UIMC1: variants seen among roughly 807,000 people sequenced by gnomAD.
The protein encoded by UIMC1 is ubiquitin interaction motif containing 1.
A neutral mutation model predicts 84.9 loss-of-function variants in UIMC1; 42 were observed. That is an observed-to-expected ratio of 0.49 (90% confidence interval 0.39 to 0.64). The LOEUF is 0.64. UIMC1 is among the 30% of genes least tolerant of loss of function. The probability of loss-of-function intolerance (pLI) is 0.00; values close to 1 mark genes in which losing one functional copy is unlikely to be tolerated. For synonymous variants in UIMC1, 281 were observed against 293.0 expected (o/e 0.96, Z 0.42); for missense variants, 825 against 847.6 (o/e 0.97, Z 0.33).
chr5:176,979,949 A>C (rs1190636329), intron 2 of UIMC1, among the ~76,000 whole-genome samples: 1 of 152,126 alleles, frequency 6.6e-6, no homozygotes, highest in Non-Finnish European at 1.5e-5. Context: ...TTTGCACTCA[A>C]TGTGGGTGAA....
At chr5:176,923,514 C>T (rs1403385086) in intron 10 of UIMC1, among the ~76,000 whole-genome samples, 1 of 151,146 alleles carries the variant, frequency 6.6e-6, no homozygotes, top group Non-Finnish European at 1.5e-5. Context: ...AGTGCCACTG[C>T]ACTCCAGCCT....
intron 1 of UIMC1, among the ~76,000 whole-genome samples, chr5:177,014,140 C>T (rs1175848571): frequency 6.7e-6 from 1 of 150,206 alleles, no homozygotes; most frequent in African/African-American, 2.5e-5. Flanking sequence ...GCAACCTCCA[C>T]CTCCCCGGTT....
chr5:176,908,520 T>C lies in UIMC1; in HGVS notation c.1848+3A>G, dbSNP rs747825295. ...GGCCTTTCCCAAAACACTCTACACATACCTTTGGGTTCTTCAGCCTCTGCT... is the reference window on the plus strand; with the variant it reads ...GGCCTTTCCCAAAACACTCTACACACACCTTTGGGTTCTTCAGCCTCTGCT... On this transcript the variant is annotated splice_donor_region_variant and intron_variant, in intron 12 of 14. Transcript: ENST00000511320. 2.5e-6 allele frequency: 4 copies of C among 1,613,044 alleles called. No individual in the cohort carries two copies. In the South Asian group the frequency reaches 4.4e-5, roughly 18 times the overall value.
intron 14 of UIMC1, chr5:176,905,775 TACAGAAGAATAAGACATA>T: frequency 3.2e-6 from 2 of 624,136 alleles, no homozygotes; most frequent in South Asian, 4.1e-5. Flanking sequence ...GATAGAGAGG[TACAGAAGAATAAGACATA>T]ACTTTCACTC....
chr5:176,982,748 G>C, intron 1 of UIMC1, 125 bp from the exon 2 acceptor site: 2 of 1,102,114 alleles, frequency 1.8e-6, no homozygotes, highest in Non-Finnish European at 2.5e-6. Flanking sequence ...TGCCCAGGCT[G>C]GAGTGCAATG....
In UIMC1 at chr5:176,927,337, T is replaced by TCC. The variant is rs1180941577; in HGVS notation, c.1598-15950_1598-15949dup. On this transcript the variant is annotated intron_variant, in intron 10 of 14. Transcript: ENST00000511320. ...GAGGCAATCTTAGCTCACTGCAACC[T>TCC]CCACCTCCTGGGTTCAAGCGATTCT... Among the ~76,000 whole-genome samples, 3 of 151,746 alleles carry TCC rather than the reference T, an allele frequency of 2.0e-5. No individual in the cohort carries two copies. In the East Asian group the frequency reaches 5.8e-4, roughly 29 times the overall value.
intron 12 of UIMC1, chr5:176,907,386 T>C (rs919287516): frequency 1.2e-5 from 6 of 497,848 alleles, no homozygotes; most frequent in African/African-American, 3.9e-5. Context: ...CAGAGTATCA[T>C]GGATTTAAAA....
At chr5:176,954,756 A>G (rs1766377473) in intron 8 of UIMC1, among the ~76,000 whole-genome samples, 1 of 151,420 alleles carries the variant, frequency 6.6e-6, no homozygotes, top group Non-Finnish European at 1.5e-5. Context: ...TCAAAAAAAA[A>G]AAAAAAAGAA....
At chr5:176,952,296 A>G (rs1429946024) in intron 8 of UIMC1, among the ~76,000 whole-genome samples, 1 of 152,256 alleles carries the variant, frequency 6.6e-6, no homozygotes, top group Non-Finnish European at 1.5e-5. Flanking sequence ...TACATTCTAG[A>G]CAAAGATATG....
intron 1 of UIMC1, among the ~76,000 whole-genome samples, chr5:177,012,651 C>G (rs983905879): frequency 2.0e-5 from 3 of 152,012 alleles, no homozygotes; most frequent in Non-Finnish European, 4.4e-5. Flanking sequence ...TGAGATCGCG[C>G]CACTGCACTC....
At chr5:176,906,979 T>G in intron 13 of UIMC1, 135 bp downstream of exon 13, 1 of 781,750 alleles carries the variant, frequency 1.3e-6, no homozygotes, top group Non-Finnish European at 2.1e-6. Context: ...TGACCTAGAT[T>G]GAGTCTCAAA....
chr5:176,969,919 G>A (rs1365514309), intron 4 of UIMC1: 13 of 480,348 alleles, frequency 2.7e-5, no homozygotes, highest in South Asian at 9.3e-5. Flanking sequence ...AAAACAGGGA[G>A]GCAAATGGCA....
At chr5:177,008,935 G>A (rs1399812484), upstream of UIMC1, among the ~76,000 whole-genome samples, 2 of 152,012 alleles carry the variant, frequency 1.3e-5, no homozygotes, top group African/African-American at 4.8e-5. Flanking sequence ...TCACATCTTA[G>A]GAGAGACCTT....
At chr5:176,968,360 G>A (rs533591184) in intron 6 of UIMC1, among the ~76,000 whole-genome samples, 195 bp downstream of exon 6, 3 of 150,406 alleles carry the variant, frequency 2.0e-5, no homozygotes, top group Non-Finnish European at 4.4e-5. Flanking sequence ...GAGACAGAGC[G>A]AGACTCCAAC....
chr5:176,908,423 A>AG, intron 12 of UIMC1, 100 bp downstream of exon 12: 5 of 1,169,866 alleles, frequency 4.3e-6, no homozygotes, highest in Non-Finnish European at 5.8e-6. Context: ...TAGAGGGAAG[A>AG]GGGGAGGGAG....
chr5:176,972,696 A>G (rs1271449912), intron 3 of UIMC1, among the ~76,000 whole-genome samples: 1 of 152,134 alleles, frequency 6.6e-6, no homozygotes, highest in African/African-American at 2.4e-5. Flanking sequence ...AGATCACGCA[A>G]CTGCGCTCTA....
At chr5:176,927,987 G>A (rs775954904) in intron 10 of UIMC1, among the ~76,000 whole-genome samples, 1 of 151,922 alleles carries the variant, frequency 6.6e-6, no homozygotes, top group Non-Finnish European at 1.5e-5. Flanking sequence ...GAGTAGCTGG[G>A]ATTACAGGCA....
At chr5:176,946,394 C>T (rs1410968454) in intron 9 of UIMC1, among the ~76,000 whole-genome samples, 1 of 152,100 alleles carries the variant, frequency 6.6e-6, no homozygotes, top group African/African-American at 2.4e-5. Flanking sequence ...CACCTATAAT[C>T]CCAGCTATTC....
intron 1 of UIMC1, among the ~76,000 whole-genome samples, chr5:176,983,713 G>GC (rs1189787061): frequency 1.3e-5 from 2 of 152,142 alleles, no homozygotes; most frequent in Non-Finnish European, 2.9e-5. Context: ...GATGTGAGGA[G>GC]CCCCTCTGCC....
Sources: allele counts gnomAD v4.1 joint callset (sites outside exome capture counted in the v4.1 genomes callset), GRCh38; gene constraint gnomAD v4.1.1; transcripts MANE v1.5; gene names NCBI Gene and HGNC (gene_info 2026-07-23, HGNC 2026-07-21).